Variants in XPO1 observed in about 807,000 individuals in gnomAD.
XPO1 encodes the protein exportin-1.
XPO1 carries 5 observed loss-of-function variants against 133.3 expected under a neutral mutation model. That is an observed-to-expected ratio of 0.04 (90% confidence interval 0.02 to 0.08). The LOEUF (loss-of-function observed/expected upper bound fraction) is 0.08. XPO1 is among the 10% of genes least tolerant of loss of function. XPO1 has a pLI of 1.00. For missense variants in XPO1, 506 were observed against 1,267.5 expected (o/e 0.40, Z 9.12); for synonymous variants, 419 against 408.2 (o/e 1.03, Z -0.32).
chr2:61,487,058 C>T (rs1485739298), intron 19 of XPO1, among the ~76,000 whole-genome samples: 1 of 151,596 alleles, frequency 6.6e-6, no homozygotes, highest in South Asian at 2.1e-4. Flanking sequence ...TCTTGGCTCA[C>T]TGTCACCTCC....
intron 4 of XPO1, among the ~76,000 whole-genome samples, chr2:61,519,100 GCCA>G (rs1698556774): frequency 6.6e-6 from 1 of 152,060 alleles, no homozygotes; most frequent in African/African-American, 2.4e-5. Flanking sequence ...ACAGGCATGT[GCCA>G]CCACGCCCGG....
chr2:61,480,681 A>G (rs1322211802), intron 24 of XPO1: 1 of 152,222 alleles, frequency 6.6e-6, no homozygotes, highest in Non-Finnish European at 1.5e-5. Flanking sequence ...CTAAGAGACT[A>G]ATTCTTATTC....
At chr2:61,488,420 A>T in intron 18 of XPO1, 149 bp from the exon 19 acceptor site, 1 of 1,190,068 alleles carries the variant, frequency 8.4e-7, no homozygotes, top group South Asian at 1.5e-5. Context: ...CTTTAAGACT[A>T]ATTTTAAAAG....
At chr2:61,523,772 C>G (rs1698795451) in intron 3 of XPO1, among the ~76,000 whole-genome samples, 2 of 152,212 alleles carry the variant, frequency 1.3e-5, no homozygotes, top group African/African-American at 2.4e-5. Flanking sequence ...ACAATATAGA[C>G]TGTCCCAAAC....
intron 4 of XPO1, among the ~76,000 whole-genome samples, chr2:61,510,220 T>C (rs1353939565): frequency 6.6e-6 from 1 of 152,152 alleles, no homozygotes; most frequent in Admixed American, 6.5e-5. Flanking sequence ...GAGGTTGCAG[T>C]GAGCCAAGAT....
At chr2:61,507,526 G>T (rs1311178741) in intron 4 of XPO1, among the ~76,000 whole-genome samples, 1 of 151,914 alleles carries the variant, frequency 6.6e-6, no homozygotes, top group African/African-American at 2.4e-5. Context: ...AGCTATGATT[G>T]TGTCACTGCA....
intron 4 of XPO1, among the ~76,000 whole-genome samples, chr2:61,515,764 G>A (rs1275141457): frequency 2.0e-5 from 3 of 151,992 alleles, no homozygotes; most frequent in Non-Finnish European, 4.4e-5. Flanking sequence ...GTACAACTCA[G>A]AAATTTTAGT....
At chr2:61,487,453 A>C (rs1363815125) in intron 19 of XPO1, among the ~76,000 whole-genome samples, 2 of 152,166 alleles carry the variant, frequency 1.3e-5, no homozygotes, top group Non-Finnish European at 2.9e-5. Context: ...TATATTCAGA[A>C]CAAGTTTACT....
chr2:61,523,065 A>G (rs1294758127), intron 3 of XPO1, among the ~76,000 whole-genome samples: 2 of 152,186 alleles, frequency 1.3e-5, no homozygotes, highest in Non-Finnish European at 2.9e-5. Flanking sequence ...GGCTCCTAAG[A>G]ATTTAGCAGC....
At position 61,489,062 on chromosome 2, in the gene XPO1, ACTGCACTCCAGC is replaced by A. The variant is rs1696835436; in HGVS notation, c.2023-303_2023-292del. Among the ~76,000 whole-genome samples the A allele has an allele frequency of 5.3e-5, 8 of 151,734 alleles. 1 individual carries two copies. In the South Asian group the frequency reaches 1.7e-3, roughly 32 times the overall value. On this transcript the variant is annotated intron_variant, in intron 17 of 24. Coordinates refer to ENST00000401558, the MANE Select transcript of XPO1 (RefSeq NM_003400.4). Reference sequence around the variant, plus strand: ...GTTTGCAGTGAGCCGAGATCGCACCACTGCACTCCAGCCTGGGCGAAAGAGCAAGACTCCGTC... The same window carrying A: ...GTTTGCAGTGAGCCGAGATCGCACCACTGGGCGAAAGAGCAAGACTCCGTC...
chr2:61,523,284 T>C (rs1269008625), intron 3 of XPO1, among the ~76,000 whole-genome samples: 1 of 152,228 alleles, frequency 6.6e-6, no homozygotes, highest in African/African-American at 2.4e-5. Context: ...GATAAACTTT[T>C]GTGCACAGTC....
chr2:61,491,427 G>A (rs1253156986), intron 16 of XPO1, among the ~76,000 whole-genome samples: 2 of 149,208 alleles, frequency 1.3e-5, no homozygotes, highest in Non-Finnish European at 3.0e-5. Flanking sequence ...CTCCAGCATG[G>A]ACGACAGAGT....
chr2:61,492,556 C>T lies in XPO1; in HGVS notation c.1566+11G>A. ...TTTAGCAATTCTAATTCATACCTAT[C>T]CCTTGCATACCTTTATAACAGTAAC... On this transcript the variant is annotated intron_variant, in intron 14 of 24. Transcript: ENST00000401558. The surrounding 1 kb of genome is among the most constrained non-coding windows in gnomAD (Gnocchi z 5.6). The T allele has an allele frequency of 6.2e-7, 1 of 1,605,736 alleles. No individual in the cohort carries two copies. The highest frequency in any genetic ancestry group is 1.1e-5 in the South Asian group (1 of 89,002).
At chr2:61,503,141 G>A (rs1697621758) in intron 4 of XPO1, among the ~76,000 whole-genome samples, 1 of 151,430 alleles carries the variant, frequency 6.6e-6, no homozygotes, top group Non-Finnish European at 1.5e-5. Flanking sequence ...TTTTCAATAA[G>A]AGACAAGGTT....
At chr2:61,505,096 G>C (rs912032964) in intron 4 of XPO1, among the ~76,000 whole-genome samples, 1 of 152,110 alleles carries the variant, frequency 6.6e-6, no homozygotes. Context: ...CTGCAGCCTT[G>C]AACTTCTGGA....
chr2:61,508,910 C>T (rs1697953531), intron 4 of XPO1, among the ~76,000 whole-genome samples: 1 of 152,162 alleles, frequency 6.6e-6, no homozygotes, highest in African/African-American at 2.4e-5. Context: ...GTCCATGTTA[C>T]ATATTCCAAT....
chr2:61,529,604 G>A (rs1008948847), intron 2 of XPO1, among the ~76,000 whole-genome samples: 2 of 151,546 alleles, frequency 1.3e-5, no homozygotes, highest in East Asian at 1.9e-4. Flanking sequence ...GGAGGTTGCA[G>A]TGATTTGAGA....
At chr2:61,508,995 T>C (rs188689118) in intron 4 of XPO1, among the ~76,000 whole-genome samples, 31 of 152,144 alleles carry the variant, frequency 2.0e-4, no homozygotes, top group Admixed American at 4.6e-4. Flanking sequence ...CACTCCAATA[T>C]CTGCAAGATT....
chr2:61,531,873 G>A (rs775392531), intron 2 of XPO1, among the ~76,000 whole-genome samples: 4 of 152,020 alleles, frequency 2.6e-5, no homozygotes, highest in Non-Finnish European at 4.4e-5. Flanking sequence ...TGATCAAAAC[G>A]CCCTAAAAGT....
Sources: gnomAD v4.1 joint callset for allele counts (sites outside exome capture counted in the v4.1 genomes callset) on GRCh38, gnomAD v4.1.1 for gene constraint, Gnocchi (gnomAD v3.1) non-coding constraint, MANE v1.5 for transcripts, NCBI Gene and HGNC (gene_info 2026-07-23, HGNC 2026-07-21) for gene names.